COBLL1: variants seen among roughly 807,000 people sequenced by gnomAD.
COBLL1 encodes the protein cordon-bleu WH2 repeat protein like 1, also known as cordon-bleu protein-like 1.
A neutral mutation model predicts 94.8 loss-of-function variants in COBLL1; 50 were observed. The ratio of observed to expected loss-of-function variants is 0.53; its 90% CI spans 0.42 to 0.67. The LOEUF (loss-of-function observed/expected upper bound fraction) is 0.67. Among genes scored for constraint, COBLL1 ranks in the 30% least tolerant of loss-of-function variants. The probability of loss-of-function intolerance (pLI) is 0.00; values close to 1 mark genes in which losing one functional copy is unlikely to be tolerated. For synonymous variants in COBLL1, 448 were observed against 473.8 expected, an observed-to-expected ratio of 0.95 and a Z score of 0.71; for missense variants, 1,362 against 1,348.7, an observed-to-expected ratio of 1.01 and a Z score of -0.15.
rs1010012924 is a variant in COBLL1, at chr2:164,692,218, T to C, written c.3300+3A>G. ...TGTCACCCATCTGATAAAGAAGACT[T>C]ACCCTTTTCAATTTGGCAGCAGCCT... On this transcript the variant is annotated splice_donor_region_variant and intron_variant, in intron 13 of 13. Coordinates refer to ENST00000652658, the MANE Select transcript of COBLL1 (RefSeq NM_001365672.2). 1.3e-6 allele frequency: 2 copies of C among 1,596,480 alleles called. No homozygotes were observed. Among genetic ancestry groups the C allele is most frequent in the African/African-American group, 2.7e-5 (2 of 73,972 alleles).
At chr2:164,688,898 T>C (rs1683445539) in intron 13 of COBLL1, among the ~76,000 whole-genome samples, 1 of 152,094 alleles carries the variant, frequency 6.6e-6, no homozygotes, top group Non-Finnish European at 1.5e-5. Context: ...TTACTTGTAA[T>C]AGGGTAATAA....
intron 4 of COBLL1, 28 bp from the exon 5 acceptor site, chr2:164,728,225 T>A (rs951178326): frequency 1.4e-6 from 2 of 1,437,244 alleles, no homozygotes; most frequent in Non-Finnish European, 2.0e-6. Context: ...GCCATAGTTG[T>A]ACCATAATTC....
chr2:164,825,860 T>C (rs1685405635), intron 2 of COBLL1, among the ~76,000 whole-genome samples: 1 of 152,218 alleles, frequency 6.6e-6, no homozygotes, highest in African/African-American at 2.4e-5. Flanking sequence ...TTTCAATAAC[T>C]GAAGTCAGCT....
chr2:164,702,296 G>A (rs1488551998), intron 9 of COBLL1, among the ~76,000 whole-genome samples: 1 of 151,942 alleles, frequency 6.6e-6, no homozygotes, highest in Admixed American at 6.6e-5. Context: ...GGGCGTGGTG[G>A]CTCACGCCTG....
intron 2 of COBLL1, among the ~76,000 whole-genome samples, chr2:164,665,528 C>T (rs1362101669): frequency 6.7e-6 from 1 of 150,072 alleles, no homozygotes; most frequent in Non-Finnish European, 1.5e-5. Flanking sequence ...GATTGAAAAC[C>T]CTACCCCAGA....
At chr2:164,817,049 G>A (rs1684789159) in intron 2 of COBLL1, among the ~76,000 whole-genome samples, 1 of 152,180 alleles carries the variant, frequency 6.6e-6, no homozygotes, top group Non-Finnish European at 1.5e-5. Flanking sequence ...GTTAAGTCAG[G>A]ACTCCAGTGA....
Position 164,704,448 on chromosome 2 carries a change from G to A in COBLL1, c.1221C>T (p.Ser407=). Residue 407 remains serine, a synonymous_variant, in exon 9 of 14, where the codon AGC becomes AGT. Transcript: ENST00000652658. The part of the protein sequence containing the change: ...SEANSPEELS[S]PAGISSDYSL... The stretch of plus-strand genomic sequence containing the variant: ...TGTAGAATAAGGGTGTCATACCTGG[G>A]CTGGATAGCTCCTCAGGAGAGTTTG... 2 of 1,605,400 alleles carry A rather than the reference G, an allele frequency of 1.2e-6. No homozygotes were observed. Among genetic ancestry groups the A allele is most frequent in the Non-Finnish European group, 1.7e-6 (2 of 1,172,092 alleles).
chr2:164,811,435 G>T lies in COBLL1; in HGVS notation c.41+29721C>A, dbSNP rs549960267. 8.5e-4 allele frequency among the ~76,000 whole-genome samples: 129 copies of T among 151,996 alleles called. 1 individual carries two copies. Among genetic ancestry groups the T allele is most frequent in the Non-Finnish European group, 2.1e-4 (14 of 67,784 alleles). On this transcript the variant is annotated intron_variant, in intron 2 of 13. Coordinates refer to ENST00000652658, the MANE Select transcript of COBLL1 (RefSeq NM_001365672.2). ...TGTATCAGTTTAACTGGCCGTGATT[G>T]TCTTTCAGTGAAATGTACATAACAG...
chr2:164,803,217 T>C (rs1004029694), intron 2 of COBLL1, among the ~76,000 whole-genome samples: 14 of 152,222 alleles, frequency 9.2e-5, no homozygotes, highest in Admixed American at 6.5e-5. Context: ...TGCCTCTCAA[T>C]AAATGTATTA....
rs73968270 is a variant in COBLL1, at chr2:164,814,903, A to C, written c.41+26253T>G. The stretch of plus-strand genomic sequence containing the variant: ...TTATATGCAACAAAGGAGGAGCCAA[A>C]AAATGACTATATTTGACATAAGTGT... On this transcript the variant is annotated intron_variant, in intron 2 of 13. Transcript: ENST00000652658. 3.1e-3 allele frequency among the ~76,000 whole-genome samples: 472 copies of C among 152,336 alleles called. 4 individuals carry two copies. Among genetic ancestry groups the C allele is most frequent in the African/African-American group, 0.011 (449 of 41,580 alleles).
At chr2:164,664,785 G>A (rs895631843) in intron 2 of COBLL1, among the ~76,000 whole-genome samples, 5 of 152,100 alleles carry the variant, frequency 3.3e-5, no homozygotes, top group African/African-American at 1.2e-4. Context: ...TGAGAATAAC[G>A]AGAAGATGTT....
rs768983725 is a variant in COBLL1, at chr2:164,722,130, T to C, written c.941A>G (p.Gln314Arg). The C allele has an allele frequency of 3.7e-6, 6 of 1,613,978 alleles. No individual in the cohort carries two copies. The highest frequency in any genetic ancestry group is 2.2e-5 in the East Asian group (1 of 44,858). ...CACTATACAAGAAGCAGGCCTCTCC[T>C]GGATGTGTGCAAGGTCTTGGGGGAC... ...QSVPQDLAHI[Q>R]ERPASCIVKS... is the part of the protein sequence containing the mutation. The change falls in exon 7 of 14, where the codon CAG (glutamine) becomes CGG (arginine). Residue 314 changes from glutamine to arginine, a missense_variant. Coordinates refer to ENST00000652658, the MANE Select transcript of COBLL1 (RefSeq NM_001365672.2).
At chr2:164,671,348 T>C (rs1691238374) in intron 1 of COBLL1, among the ~76,000 whole-genome samples, 1 of 152,204 alleles carries the variant, frequency 6.6e-6, no homozygotes, top group Non-Finnish European at 1.5e-5. Flanking sequence ...TTTGATGACA[T>C]GTTTCTGCTC....
Position 164,695,095 on chromosome 2 carries a change from T to A in COBLL1, c.2297A>T (p.Lys766Ile). 4 of 1,613,898 alleles carry A rather than the reference T, an allele frequency of 2.5e-6. No homozygotes were observed. The highest frequency in any genetic ancestry group is 3.4e-6 in the Non-Finnish European group (4 of 1,179,928). Residue 766 changes from lysine (K) to isoleucine (I), a missense_variant, in exon 12 of 14, where the codon AAA becomes ATA. Lys to Ile is a moderately radical substitution (Grantham distance 102, BLOSUM62 -3). Transcript: ENST00000652658. ...TTTCACATTCTCATGAGTGTGCTTT[T>A]TCCCTAAAGCATGCATGTCCTGATC... Reference protein sequence around the residue: ...KDDQDMHALGKKHTHENVKET... With the variant: ...KDDQDMHALGIKHTHENVKET...
chr2:164,832,458 A>C (rs1423122743), intron 2 of COBLL1, among the ~76,000 whole-genome samples: 8 of 152,184 alleles, frequency 5.3e-5, no homozygotes, highest in Non-Finnish European at 1.5e-5. Flanking sequence ...GATCCTATTT[A>C]AAGTCAACCT....
intron 2 of COBLL1, among the ~76,000 whole-genome samples, chr2:164,775,157 T>TAAA (rs10669922): frequency 0.21 from 31,456 of 148,238 alleles, 3,569 homozygotes; most frequent in African/African-American, 0.3. Flanking sequence ...CCCTGCCTCT[T>TAAA]AAAAAAAAAA....
intron 2 of COBLL1, among the ~76,000 whole-genome samples, chr2:164,820,437 T>C (rs1432277124): frequency 6.6e-6 from 1 of 151,980 alleles, no homozygotes; most frequent in Non-Finnish European, 1.5e-5. Context: ...CCCAGGGTGG[T>C]CTTGAAATCC....
intron 5 of COBLL1, chr2:164,727,270 T>C: frequency 4.3e-6 from 2 of 461,048 alleles, no homozygotes; most frequent in Non-Finnish European, 7.8e-6. Context: ...CAGGATAAAT[T>C]TTGAAGTCTC....
At chr2:164,664,473 T>C (rs1265806692) in intron 2 of COBLL1, among the ~76,000 whole-genome samples, 2 of 152,198 alleles carry the variant, frequency 1.3e-5, no homozygotes, top group Admixed American at 6.5e-5. Flanking sequence ...AATGATCTAC[T>C]TGGGAAAGAA....
Sources: allele counts gnomAD v4.1 joint callset (sites outside exome capture counted in the v4.1 genomes callset), GRCh38; gene constraint gnomAD v4.1.1; transcripts MANE v1.5; gene names NCBI Gene and HGNC (gene_info 2026-07-23, HGNC 2026-07-21).